PRRC2B: variants seen among roughly 807,000 people sequenced by gnomAD.
The protein encoded by PRRC2B is protein PRRC2B.
In PRRC2B, 68 loss-of-function variants were observed where a neutral mutation model predicts 242.3. The observed-to-expected ratio is 0.28, with a 90% CI of 0.23 to 0.34. PRRC2B has a LOEUF of 0.34. Ranked by LOEUF, PRRC2B falls within the 10% of genes least tolerant of loss-of-function variation. The pLI is 1.00. For synonymous variants in PRRC2B, 1,228 were observed against 1,173.6 expected, an observed-to-expected ratio of 1.05 and a Z score of -0.95; for missense variants, 2,835 against 2,954.8, an observed-to-expected ratio of 0.96 and a Z score of 0.94.
intron 1 of PRRC2B, among the ~76,000 whole-genome samples, chr9:131,426,600 A>ATGGGCACCGCAGTCAGGAT (rs1837983383): frequency 6.6e-6 from 1 of 152,092 alleles, no homozygotes; most frequent in Admixed American, 6.6e-5. Flanking sequence ...CAGCCAGGTC[A>ATGGGCACCGCAGTCAGGAT]TGGGCACCGC....
At chr9:131,462,994 T>C (rs1435672924) in intron 11 of PRRC2B, among the ~76,000 whole-genome samples, 1 of 152,172 alleles carries the variant, frequency 6.6e-6, no homozygotes, top group African/African-American at 2.4e-5. Flanking sequence ...TCCAGGAAAT[T>C]ATCTGAAGGA....
At chr9:131,450,024 A>G (rs1942860569) in intron 9 of PRRC2B, among the ~76,000 whole-genome samples, 1 of 152,196 alleles carries the variant, frequency 6.6e-6, no homozygotes, top group Non-Finnish European at 1.5e-5. Context: ...TCAATTGACT[A>G]TAAAAGCATT....
chr9:131,375,361 A>G (rs1192055766), intron 1 of PRRC2B, among the ~76,000 whole-genome samples: 1 of 151,954 alleles, frequency 6.6e-6, no homozygotes, highest in Non-Finnish European at 1.5e-5. Context: ...ATTGCGTCAC[A>G]GCACTCCAGC....
At chr9:131,471,666 C>T (rs78938503) in intron 14 of PRRC2B, among the ~76,000 whole-genome samples, 7,697 of 152,228 alleles carry the variant, frequency 0.051, 269 homozygotes, top group Admixed American at 0.11. Flanking sequence ...TTCCATAAAA[C>T]GTTACTTGTA....
intron 13 of PRRC2B, among the ~76,000 whole-genome samples, chr9:131,470,316 G>C (rs1408917729): frequency 6.6e-6 from 1 of 152,126 alleles, no homozygotes; most frequent in Non-Finnish European, 1.5e-5. Context: ...TGACATATTG[G>C]GCGTGGGGTG....
chr9:131,420,023 T>C (rs979235870), intron 1 of PRRC2B, among the ~76,000 whole-genome samples: 16 of 152,100 alleles, frequency 1.1e-4, no homozygotes, highest in African/African-American at 2.9e-4. Flanking sequence ...ACCCCCCAGT[T>C]CTCCACTGGG....
At chr9:131,430,059 TC>T in intron 1 of PRRC2B, 34 bp from the exon 2 acceptor site, 19 of 669,724 alleles carry the variant, frequency 2.8e-5, no homozygotes, top group Admixed American at 5.8e-5. Context: ...TTTTTCTCTC[TC>T]TTTTTTTTTT....
intron 28 of PRRC2B, among the ~76,000 whole-genome samples, chr9:131,489,748 T>G (rs1203111949): frequency 6.6e-6 from 1 of 152,180 alleles, no homozygotes; most frequent in Non-Finnish European, 1.5e-5. Flanking sequence ...CCTGTGCCCC[T>G]GGGGGGCCCT....
chr9:131,412,484 G>A (rs1564276634), intron 1 of PRRC2B, among the ~76,000 whole-genome samples: 2 of 151,878 alleles, frequency 1.3e-5, no homozygotes, highest in South Asian at 2.1e-4. Context: ...GCGTGCGTGC[G>A]TGCATGCACA....
chr9:131,411,031 G>A (rs888872512), intron 1 of PRRC2B, among the ~76,000 whole-genome samples: 2 of 152,028 alleles, frequency 1.3e-5, no homozygotes, highest in Non-Finnish European at 2.9e-5. Context: ...CGAGGAGGGC[G>A]GATCACCTAA....
At chr9:131,388,305 A>G (rs1211976580) in intron 1 of PRRC2B, among the ~76,000 whole-genome samples, 2 of 139,020 alleles carry the variant, frequency 1.4e-5, no homozygotes, top group Non-Finnish European at 1.5e-5. Context: ...CAGTGGTGCA[A>G]TCTTGGCTTA....
rs759776961 is a variant in PRRC2B at position 131,465,033 on chromosome 9, G to T, written c.1675G>T (p.Ala559Ser). The T allele has an allele frequency of 6.2e-7, 1 of 1,613,978 alleles. No individual in the cohort carries two copies. The highest frequency in any genetic ancestry group is 1.1e-5 in the South Asian group (1 of 91,084). The change falls in exon 12 of 32, where the codon GCT (alanine) becomes TCT (serine). Residue 559 changes from alanine (A) to serine (S), a missense_variant. Coordinates refer to ENST00000683519, the MANE Select transcript of PRRC2B (RefSeq NM_013318.4). The part of the protein sequence containing the change: ...AEKEVPWSPS[A>S]EKASPQENGP... ...GAAGGAAGTGCCCTGGTCTCCAAGT[G>T]CTGAGAAGGCATCTCCCCAGGAAAA... is the stretch of plus-strand genomic sequence containing the variant.
In PRRC2B at chr9:131,447,707, G is replaced by A. The variant is rs780892958; in HGVS notation, c.1023G>A (p.Arg341=). 4 of 1,613,006 alleles carry A rather than the reference G, an allele frequency of 2.5e-6. No individual in the cohort carries two copies. The South Asian group carries it at 4.4e-5, about 18-fold the overall frequency. The stretch of plus-strand genomic sequence containing the variant: ...TGTCTCGCCCACTCCGCCCACTAAG[G>A]CAGCTGGTGGAGCGGGCACCACGGC... The part of the protein sequence containing the change: ...LGLSRPLRPL[R]QLVERAPRPT... The change falls in exon 9 of 32, where the codon AGG becomes AGA. Residue 341 remains arginine (R), a synonymous_variant. Coordinates refer to ENST00000683519, the MANE Select transcript of PRRC2B (RefSeq NM_013318.4).
At chr9:131,492,588 A>C (rs1325891300) in intron 30 of PRRC2B, among the ~76,000 whole-genome samples, 1 of 152,252 alleles carries the variant, frequency 6.6e-6, no homozygotes, top group Non-Finnish European at 1.5e-5. Flanking sequence ...TCCTAAAAAC[A>C]GGACCCACTG....
Position 131,449,008 on chromosome 9 carries a change from A to G in PRRC2B, c.1120+1204A>G, listed in dbSNP as rs150227874. ...CTGCTCTTCTGATTCACTTTACCCT[A>G]GATTAGTTTTGCCTAGTTAACAGAC... On this transcript the variant is annotated intron_variant, in intron 9 of 31. Coordinates refer to ENST00000683519, the MANE Select transcript of PRRC2B (RefSeq NM_013318.4). Among the ~76,000 whole-genome samples, 277 of 152,176 alleles carry G rather than the reference A, an allele frequency of 1.8e-3. 2 individuals are homozygous for G. Among genetic ancestry groups the G allele is most frequent in the African/African-American group, 6.3e-3 (262 of 41,530 alleles).
intron 1 of PRRC2B, among the ~76,000 whole-genome samples, chr9:131,424,769 G>A (rs1293005671): frequency 6.6e-6 from 1 of 152,192 alleles, no homozygotes; most frequent in Non-Finnish European, 1.5e-5. Context: ...AGTCCAATGT[G>A]TTTCTTGTAC....
intron 1 of PRRC2B, 27 bp downstream of exon 1, chr9:131,394,290 G>A (rs1460162710): frequency 6.8e-6 from 1 of 146,874 alleles, no homozygotes; most frequent in Non-Finnish European, 1.5e-5. Flanking sequence ...GCCGGGGCCG[G>A]GGCGTGGGGG....
At chr9:131,417,945 A>G (rs1056224259) in intron 1 of PRRC2B, among the ~76,000 whole-genome samples, 4 of 152,206 alleles carry the variant, frequency 2.6e-5, no homozygotes, top group African/African-American at 9.7e-5. Flanking sequence ...TGTGGTCGCT[A>G]CAGAGCATGG....
At position 131,474,807 on chromosome 9, in the gene PRRC2B, A is replaced by C. The variant is rs2131444938; in HGVS notation, c.2678A>C (p.Glu893Ala). The C allele has an allele frequency of 6.2e-7, 1 of 1,612,386 alleles. No homozygotes were observed. Among genetic ancestry groups the C allele is most frequent in the Non-Finnish European group, 8.5e-7 (1 of 1,179,690 alleles). ...GGTGTTGAGCGGGAGACACCCCGGGAGGGGACGGCCTTTAACATCTCCTCC... is the reference window on the plus strand; with the variant it reads ...GGTGTTGAGCGGGAGACACCCCGGGCGGGGACGGCCTTTAACATCTCCTCC... ...AHGVERETPR[E>A]GTAFNISSWD... is the part of the protein sequence containing the mutation. Residue 893 changes from glutamate to alanine, a missense_variant, in exon 16 of 32, where the codon GAG (glutamate) becomes GCG (alanine). Physicochemically the swap from Glu to Ala is moderately radical, Grantham distance 107 (BLOSUM62 -1). This residue lies in a region of PRRC2B where 1,536 missense variants were observed against 1,483.1 expected (regional missense o/e 1.04). Transcript: ENST00000683519.
Sources: gnomAD v4.1 joint callset for allele counts (sites outside exome capture counted in the v4.1 genomes callset) on GRCh38, gnomAD v4.1.1 for gene constraint, gnomAD v4.1.1 regional missense constraint, MANE v1.5 for transcripts, NCBI Gene and HGNC (gene_info 2026-07-23, HGNC 2026-07-21) for gene names.